The following PAMR1 variants were observed in gnomAD, a reference collection of about 807,000 sequenced individuals.
PAMR1 encodes the protein peptidase domain containing associated with muscle regeneration 1, also known as inactive serine protease PAMR1.
A neutral mutation model predicts 81.8 loss-of-function variants in PAMR1; 88 were observed. The ratio of observed to expected loss-of-function variants is 1.08; its 90% CI spans 0.91 to 1.28. PAMR1 has a LOEUF of 1.28. Ranked by LOEUF, PAMR1 falls within the 50% of genes most tolerant of loss-of-function variation. PAMR1 has a pLI of 0.00. For synonymous variants in PAMR1, 336 were observed against 345.3 expected (o/e 0.97, Z 0.30); for missense variants, 935 against 919.7 (o/e 1.02, Z -0.21).
chr11:35,440,826 G>A (rs752369017), intron 7 of PAMR1, among the ~76,000 whole-genome samples: 2 of 152,030 alleles, frequency 1.3e-5, no homozygotes, highest in African/African-American at 4.8e-5. Flanking sequence ...CTTTTCTGCT[G>A]TCTTCCATTT....
intron 6 of PAMR1, among the ~76,000 whole-genome samples, chr11:35,457,983 G>A (rs1458717291): frequency 6.6e-6 from 1 of 152,138 alleles, no homozygotes; most frequent in African/African-American, 2.4e-5. Context: ...TGTGCACCCT[G>A]AGAGCCAAAG....
intron 1 of PAMR1, among the ~76,000 whole-genome samples, chr11:35,516,916 G>T (rs1435142620): frequency 6.6e-6 from 1 of 152,098 alleles, no homozygotes; most frequent in Non-Finnish European, 1.5e-5. Flanking sequence ...ACAAATAATC[G>T]CAAGGGATTA....
chr11:35,454,788 G>A (rs1856493748), intron 6 of PAMR1, among the ~76,000 whole-genome samples: 1 of 152,178 alleles, frequency 6.6e-6, no homozygotes, highest in East Asian at 1.9e-4. Flanking sequence ...AGCAAGTAGA[G>A]GCCAGGTCCT....
chr11:35,475,011 G>A (rs1346997131), intron 3 of PAMR1, among the ~76,000 whole-genome samples: 1 of 152,194 alleles, frequency 6.6e-6, no homozygotes, highest in Non-Finnish European at 1.5e-5. Flanking sequence ...GATGATCAGA[G>A]AGTTAAATAA....
At chr11:35,457,106 G>T (rs1856551006) in intron 6 of PAMR1, among the ~76,000 whole-genome samples, 2 of 152,124 alleles carry the variant, frequency 1.3e-5, no homozygotes, top group South Asian at 4.1e-4. Context: ...ATCATGAAAT[G>T]CCAGATATCT....
At chr11:35,436,961 G>A (rs899010689) in intron 8 of PAMR1, among the ~76,000 whole-genome samples, 2 of 152,156 alleles carry the variant, frequency 1.3e-5, no homozygotes, top group African/African-American at 4.8e-5. Context: ...ATTAGGAATT[G>A]ACTCAAACTA....
Position 35,486,358 on chromosome 11 carries a change from AT to A in PAMR1, c.379+5686del, listed in dbSNP as rs1433375172. ...AATTTCATAGCATTGACCACATTCT[AT>A]TTTTTTAACTTTAAAAAAAATCTCC... On this transcript the variant is annotated intron_variant, in intron 3 of 10. Coordinates refer to ENST00000619888, the MANE Select transcript of PAMR1 (RefSeq NM_001001991.3). Among the ~76,000 whole-genome samples, 7 of 152,308 alleles carry A rather than the reference AT, an allele frequency of 4.6e-5. No homozygotes were observed. In the East Asian group the frequency reaches 7.7e-4, roughly 17 times the overall value.
At position 35,434,706 on chromosome 11, in the gene PAMR1, C is replaced by G. The variant is rs753313677; in HGVS notation, c.1432G>C (p.Gly478Arg). 1 of 1,614,142 alleles carries G rather than the reference C, an allele frequency of 6.2e-7. No homozygotes were observed. The highest frequency in any genetic ancestry group is 8.5e-7 in the Non-Finnish European group (1 of 1,180,028). The change falls in exon 10 of 11, where the codon GGC becomes CGC. Residue 478 changes from glycine to arginine, a missense_variant. By Grantham distance (125) the Gly-to-Arg change is moderately radical. Transcript: ENST00000619888. The stretch of plus-strand genomic sequence containing the variant: ...AACCACGCTCCCTTGTGTAGGCTGC[C>G]GTCATGCACCCCGCTGGTCCTCCTG... ...IYRRTSGVHD[G>R]SLHKGAWFLV...
intron 5 of PAMR1, among the ~76,000 whole-genome samples, chr11:35,468,546 G>T (rs1856797167): frequency 6.6e-6 from 1 of 152,208 alleles, no homozygotes; most frequent in South Asian, 2.1e-4. Context: ...TGACACTGTT[G>T]AAGGTATATT....
rs189738695 is a variant in PAMR1, at chr11:35,506,184, A to G, written c.74-11912T>C. On this transcript the variant is annotated intron_variant, in intron 1 of 10. Coordinates refer to ENST00000619888, the MANE Select transcript of PAMR1 (RefSeq NM_001001991.3). ...TCTACAATTTAATTCCATCCCTCCC[A>G]CATTTTAACTTTTTGTTGTCTCAAT... Among the ~76,000 whole-genome samples the G allele has an allele frequency of 1.7e-3, 251 of 151,114 alleles. 1 individual carries two copies. The highest frequency in any genetic ancestry group is 2.9e-3 in the Non-Finnish European group (195 of 67,758).
chr11:35,470,888 C>T (rs1184294119), intron 4 of PAMR1, 70 bp from the exon 5 acceptor site: 1 of 1,061,056 alleles, frequency 9.4e-7, no homozygotes, highest in Admixed American at 1.8e-5. Context: ...TGGGCTCATT[C>T]AAGGCCAGAT....
At chr11:35,475,452 C>T (rs1268949713) in intron 3 of PAMR1, among the ~76,000 whole-genome samples, 1 of 152,170 alleles carries the variant, frequency 6.6e-6, no homozygotes, top group East Asian at 1.9e-4. Flanking sequence ...CCCTCCACCC[C>T]GATCCTTACC....
intron 1 of PAMR1, among the ~76,000 whole-genome samples, chr11:35,525,203 T>C (rs1851362908): frequency 6.6e-6 from 1 of 152,180 alleles, no homozygotes; most frequent in Non-Finnish European, 1.5e-5. Context: ...TAAGGCAATT[T>C]GGTACTTTTA....
At chr11:35,481,415 G>C (rs574243315) in intron 3 of PAMR1, among the ~76,000 whole-genome samples, 1 of 152,296 alleles carries the variant, frequency 6.6e-6, no homozygotes, top group African/African-American at 2.4e-5. Context: ...GCATGAGATA[G>C]TATCTCATTG....
chr11:35,501,775 T>C (rs942696160), intron 1 of PAMR1, among the ~76,000 whole-genome samples: 1 of 152,198 alleles, frequency 6.6e-6, no homozygotes, highest in Non-Finnish European at 1.5e-5. Context: ...CATTCTTTCG[T>C]ATAAATAAAT....
At chr11:35,515,840 C>CTT (rs11372909) in intron 1 of PAMR1, among the ~76,000 whole-genome samples, 99 of 151,320 alleles carry the variant, frequency 6.5e-4, no homozygotes, top group African/African-American at 2.3e-3. Flanking sequence ...TTGGGATTCT[C>CTT]TTTTTTTTTC....
intron 6 of PAMR1, among the ~76,000 whole-genome samples, chr11:35,459,440 C>T (rs1394340037): frequency 6.6e-6 from 1 of 152,178 alleles, no homozygotes; most frequent in Non-Finnish European, 1.5e-5. Context: ...TTTCTTGGGG[C>T]TTCCCCAAAT....
intron 3 of PAMR1, among the ~76,000 whole-genome samples, chr11:35,483,372 A>G (rs1261344101): frequency 1.3e-5 from 2 of 152,180 alleles, no homozygotes; most frequent in African/African-American, 4.8e-5. Context: ...CAAGGTGACA[A>G]CATCCCAAGA....
At chr11:35,471,820 T>C (rs1850192466) in intron 4 of PAMR1, among the ~76,000 whole-genome samples, 1 of 152,204 alleles carries the variant, frequency 6.6e-6, no homozygotes, top group Non-Finnish European at 1.5e-5. Flanking sequence ...CCCAAGGGAA[T>C]ACATGAGTAT....
Sources: allele counts gnomAD v4.1 joint callset (sites outside exome capture counted in the v4.1 genomes callset), GRCh38; gene constraint gnomAD v4.1.1; transcripts MANE v1.5; gene names NCBI Gene and HGNC (gene_info 2026-07-23, HGNC 2026-07-21).